The following POLQ variants were observed in gnomAD, a reference collection of about 807,000 sequenced individuals.
The protein encoded by POLQ is epididymis secretory sperm binding protein.
POLQ carries 233 observed loss-of-function variants against 259.2 expected under a neutral mutation model. The observed-to-expected ratio is 0.90, with a 90% CI of 0.81 to 1.00. The LOEUF is 1.00. Ranked by LOEUF, POLQ falls within the 50% of genes least tolerant of loss-of-function variation. The probability of loss-of-function intolerance (pLI) is 0.00; values close to 1 mark genes in which losing one functional copy is unlikely to be tolerated. For missense variants in POLQ, 2,871 were observed against 3,051.6 expected (o/e 0.94, Z 1.39); for synonymous variants, 1,025 against 1,048.8 (o/e 0.98, Z 0.44).
chr3:121,467,806 C>T (rs567176784), intron 23 of POLQ, among the ~76,000 whole-genome samples, 166 bp from the exon 24 acceptor site: 11 of 152,258 alleles, frequency 7.2e-5, no homozygotes, highest in African/African-American at 2.2e-4. Flanking sequence ...TTTGGGAAGC[C>T]GAGGCGAGTA....
At chr3:121,509,981 A>ACTT in intron 11 of POLQ, 58 bp downstream of exon 11, 1 of 1,337,740 alleles carries the variant, frequency 7.5e-7, no homozygotes, top group Non-Finnish European at 1.1e-6. Context: ...CTGAGCAGTC[A>ACTT]TACAACCTCA....
At chr3:121,526,148 T>C (rs2048372294) in intron 7 of POLQ, among the ~76,000 whole-genome samples, 10 of 152,134 alleles carry the variant, frequency 6.6e-5, no homozygotes, top group Admixed American at 6.5e-4. Context: ...TTTGATGCCT[T>C]AAGTGTTGAA....
rs138858790 is a variant in POLQ, at chr3:121,493,540, G to A, written c.2460C>T (p.Asp820=). ...LYASGFHTVA[D]LARANIVEVE... is the part of the protein sequence containing the mutation. ...CCTCCACAATATTTGCTCTAGCAAG[G>A]TCTGCCACAGTATGAAAGCCAGAAG... The change falls in exon 15 of 30, where the codon GAC becomes GAT. Residue 820 remains aspartate (D), a synonymous_variant. Coordinates refer to ENST00000264233, the MANE Select transcript of POLQ (RefSeq NM_199420.4). 7 of 1,613,614 alleles carry A rather than the reference G, an allele frequency of 4.3e-6. No individual in the cohort carries two copies. The East Asian group carries it at 1.3e-4, about 31-fold the overall frequency.
At chr3:121,447,136 G>A (rs1189519643) in intron 26 of POLQ, among the ~76,000 whole-genome samples, 2 of 143,476 alleles carry the variant, frequency 1.4e-5, no homozygotes, top group African/African-American at 2.6e-5. Context: ...TTTATTTGAG[G>A]TTACCATGAG....
At chr3:121,512,143 T>C in intron 9 of POLQ, 114 bp from the exon 10 acceptor site, 1 of 822,190 alleles carries the variant, frequency 1.2e-6, no homozygotes, top group Non-Finnish European at 1.9e-6. Flanking sequence ...ATGATAGTGG[T>C]TGTTATGGTA....
At chr3:121,535,167 G>A (rs2108819302) in intron 5 of POLQ, among the ~76,000 whole-genome samples, 1 of 152,194 alleles carries the variant, frequency 6.6e-6, no homozygotes, top group East Asian at 1.9e-4. Flanking sequence ...TCCCTTAACT[G>A]AAAAGAATCT....
At chr3:121,449,268 A>G in intron 26 of POLQ, 47 bp downstream of exon 26, 1 of 958,926 alleles carries the variant, frequency 1.0e-6, no homozygotes. Context: ...TTAAAAATAT[A>G]ATATGGTAAG....
intron 27 of POLQ, among the ~76,000 whole-genome samples, chr3:121,437,689 A>G (rs1336477861): frequency 3.3e-5 from 5 of 152,244 alleles, no homozygotes; most frequent in African/African-American, 1.2e-4. Flanking sequence ...TGTCTTTACC[A>G]AACATAAATG....
chr3:121,497,062 A>C (rs1174561927), intron 13 of POLQ, 130 bp from the exon 14 acceptor site: 19 of 915,356 alleles, frequency 2.1e-5, no homozygotes, highest in Non-Finnish European at 2.8e-5. Flanking sequence ...TGAGATTCTT[A>C]ATAGAAAATA....
chr3:121,522,167 T>A lies in POLQ; in HGVS notation c.1109-18A>T. On this transcript the variant is annotated intron_variant, in intron 7 of 29. Coordinates refer to ENST00000264233, the MANE Select transcript of POLQ (RefSeq NM_199420.4). ...CACCAATCCTGTCACAAAAAAATTATCAACACCATTTGCTTCTAACTCAGC... is the reference window on the plus strand; with the variant it reads ...CACCAATCCTGTCACAAAAAAATTAACAACACCATTTGCTTCTAACTCAGC... 1 of 1,583,826 alleles carries A rather than the reference T, an allele frequency of 6.3e-7. No individual in the cohort carries two copies. The highest frequency in any genetic ancestry group is 8.6e-7 in the Non-Finnish European group (1 of 1,168,296).
intron 24 of POLQ, among the ~76,000 whole-genome samples, chr3:121,460,836 G>T (rs2047785871): frequency 6.6e-6 from 1 of 151,950 alleles, no homozygotes; most frequent in South Asian, 2.1e-4. Flanking sequence ...ATTAGAAATG[G>T]GTGGATTAGA....
Position 121,510,070 on chromosome 3 carries a change from G to A in POLQ, c.1785C>T (p.Ile595=). ...TTCCATCACTGGCTTCTGTACTCTG[G>A]ATGAATTCATTTTCTAGTAGCCACA... ...CVMWLLENEF[I]QSTEASDGTE... The change falls in exon 11 of 30, where the codon ATC becomes ATT. Residue 595 remains isoleucine, a synonymous_variant. Transcript: ENST00000264233. 6.2e-7 allele frequency: 1 copy of A among 1,613,828 alleles called. No homozygotes were observed. The highest frequency in any genetic ancestry group is 8.5e-7 in the Non-Finnish European group (1 of 1,179,760).
rs1447781356 is a variant in POLQ, at chr3:121,489,133, A to G, written c.3798T>C (p.Ser1266=). The change falls in exon 16 of 30, where the codon AGT becomes AGC. Residue 1266 remains serine, a synonymous_variant. Transcript: ENST00000264233. ...GDDISRTVIP[S]EVLPSAGAFS... is the part of the protein sequence containing the mutation. ...ATGCTCCAGCTGATGGAAGTACTTC[A>G]CTGGGTATCACAGTTCTGCTTATAT... The G allele has an allele frequency of 1.9e-6, 3 of 1,613,876 alleles. No homozygotes were observed. The highest frequency in any genetic ancestry group is 1.3e-5 in the African/African-American group (1 of 75,040).
Position 121,487,380 on chromosome 3 carries a change from A to C in POLQ, c.5551T>G (p.Ser1851Ala). The C allele has an allele frequency of 6.2e-7, 1 of 1,614,064 alleles. No individual in the cohort carries two copies. The highest frequency in any genetic ancestry group is 1.6e-4 in the Middle Eastern group (1 of 6,062). The change falls in exon 16 of 30, where the codon TCC becomes GCC. Residue 1851 changes from serine to alanine, a missense_variant. Ser to Ala is a moderately conservative substitution (Grantham distance 99). Around this residue, in one of 3 missense-constraint regions of POLQ, gnomAD observed 2,080 missense variants for 2,126.0 expected, o/e 0.98. Coordinates refer to ENST00000264233, the MANE Select transcript of POLQ (RefSeq NM_199420.4). ...IKEWRCKKRF[S>A]ISLACEKIRS... ...ATCTTTTCACAAGCCAGTGAGATGG[A>C]AAATCGCTTTTTGCACCGCCACTCC...
Position 121,489,990 on chromosome 3 carries a change from G to C in POLQ, c.2941C>G (p.Gln981Glu). Residue 981 changes from glutamine to glutamate, a missense_variant, in exon 16 of 30, where the codon CAG (glutamine) becomes GAG (glutamate). Gln to Glu is a conservative substitution (Grantham distance 29, BLOSUM62 2). Coordinates refer to ENST00000264233, the MANE Select transcript of POLQ (RefSeq NM_199420.4). ...CTTGCTCTGAAAATGGAACATGTCTGATGTTCTTGATTCCCATTCTGGAAA... is the reference window on the plus strand; with the variant it reads ...CTTGCTCTGAAAATGGAACATGTCTCATGTTCTTGATTCCCATTCTGGAAA... ...CNFQNGNQEH[Q>E]TCSIFRARKR... is the part of the protein sequence containing the mutation. 2 of 1,581,146 alleles carry C rather than the reference G, an allele frequency of 1.3e-6. No individual in the cohort carries two copies. The highest frequency in any genetic ancestry group is 1.7e-6 in the Non-Finnish European group (2 of 1,170,644).
At position 121,533,751 on chromosome 3, in the gene POLQ, T is replaced by G. The variant is rs570710878; in HGVS notation, c.741-542A>C. On this transcript the variant is annotated intron_variant, in intron 5 of 29. Coordinates refer to ENST00000264233, the MANE Select transcript of POLQ (RefSeq NM_199420.4). ...GGCTGGTCTCGAACTCCCGACCTTG[T>G]GATTTACCCACCTCGGCCTCCCGAA... is the stretch of plus-strand genomic sequence containing the variant. 9.4e-4 allele frequency among the ~76,000 whole-genome samples: 143 copies of G among 152,226 alleles called. 1 individual carries two copies. The highest frequency in any genetic ancestry group is 3.1e-3 in the African/African-American group (127 of 41,560).
chr3:121,500,607 T>C (rs2048159873), intron 12 of POLQ, among the ~76,000 whole-genome samples: 1 of 152,124 alleles, frequency 6.6e-6, no homozygotes, highest in African/African-American at 2.4e-5. Flanking sequence ...TACCAACATA[T>C]GCATAATGAG....
At chr3:121,511,810 C>T in intron 10 of POLQ, 77 bp downstream of exon 10, 1 of 1,127,694 alleles carries the variant, frequency 8.9e-7, no homozygotes, top group Non-Finnish European at 1.3e-6. Flanking sequence ...ATAAATAAAG[C>T]TAAGATTTTC....
chr3:121,440,211 C>G, intron 26 of POLQ, 95 bp from the exon 27 acceptor site: 1 of 851,524 alleles, frequency 1.2e-6, no homozygotes, highest in South Asian at 1.7e-5. Context: ...CAAAACCCCA[C>G]GATGATTCTT....
Sources: allele counts gnomAD v4.1 joint callset (sites outside exome capture counted in the v4.1 genomes callset), GRCh38; gene constraint gnomAD v4.1.1; regional missense constraint gnomAD v4.1.1; transcripts MANE v1.5; gene names NCBI Gene and HGNC (gene_info 2026-07-23, HGNC 2026-07-21).